Variants in TM9SF2 observed in about 807,000 individuals in gnomAD.
The protein encoded by TM9SF2 is transmembrane 9 superfamily member 2.
In TM9SF2, 13 loss-of-function variants were observed where a neutral mutation model predicts 84.9. The observed-to-expected ratio is 0.15, with a 90% confidence interval of 0.10 to 0.24. The LOEUF (loss-of-function observed/expected upper bound fraction) is 0.24. Among genes scored for constraint, TM9SF2 ranks in the 10% least tolerant of loss-of-function variants. The pLI is 1.00. For missense variants in TM9SF2, 562 were observed against 818.5 expected, an observed-to-expected ratio of 0.69 and a Z score of 3.82; for synonymous variants, 273 against 285.8, an observed-to-expected ratio of 0.96 and a Z score of 0.45.
intron 4 of TM9SF2, among the ~76,000 whole-genome samples, chr13:99,532,985 C>A (rs926412352): frequency 6.6e-6 from 1 of 152,116 alleles, no homozygotes; most frequent in African/African-American, 2.4e-5. Context: ...AATGTTGATT[C>A]ACATTGATGA....
Position 99,560,712 on chromosome 13 carries a change from C to T in TM9SF2, c.1924+1178C>T, listed in dbSNP as rs186806584. 1.8e-3 allele frequency among the ~76,000 whole-genome samples: 268 copies of T among 152,216 alleles called. 1 individual carries two copies. The highest frequency in any genetic ancestry group is 5.3e-3 in the African/African-American group (222 of 41,536). On this transcript the variant is annotated intron_variant, in intron 16 of 16. Transcript: ENST00000376387. ...TTTTTATTTTTTTGAGACGGAGTCT[C>T]ACTCTTTTGCCCAGGCTGGAGTGCA...
intron 9 of TM9SF2, 78 bp downstream of exon 9, chr13:99,541,745 T>C: frequency 1.1e-6 from 1 of 888,122 alleles, no homozygotes; most frequent in East Asian, 2.9e-5. Flanking sequence ...AAATAATAGC[T>C]TTAGAATCTG....
intron 3 of TM9SF2, among the ~76,000 whole-genome samples, chr13:99,527,082 T>C (rs2139085683): frequency 6.6e-6 from 1 of 152,192 alleles, no homozygotes; most frequent in Admixed American, 6.5e-5. Flanking sequence ...TGGTGACACA[T>C]GAGTTTCAGG....
intron 6 of TM9SF2, among the ~76,000 whole-genome samples, chr13:99,538,994 A>T (rs1299047860): frequency 1.3e-5 from 2 of 152,062 alleles, no homozygotes; most frequent in Non-Finnish European, 2.9e-5. Flanking sequence ...GCTTGAGCCC[A>T]GGAGTTCAAG....
intron 10 of TM9SF2, among the ~76,000 whole-genome samples, chr13:99,544,774 G>T (rs906082275): frequency 6.6e-6 from 1 of 152,194 alleles, no homozygotes; most frequent in African/African-American, 2.4e-5. Flanking sequence ...GGGAAAGCGA[G>T]TGTGTAGGAA....
intron 4 of TM9SF2, among the ~76,000 whole-genome samples, 185 bp from the exon 5 acceptor site, chr13:99,536,423 A>G (rs1185108063): frequency 1.3e-5 from 2 of 151,828 alleles, no homozygotes; most frequent in Admixed American, 6.6e-5. Flanking sequence ...ACTGCAGTGT[A>G]TCAGATACTG....
intron 10 of TM9SF2, among the ~76,000 whole-genome samples, chr13:99,544,669 GGGA>G (rs1164705990): frequency 6.6e-6 from 1 of 152,180 alleles, no homozygotes; most frequent in Non-Finnish European, 1.5e-5. Context: ...CTTCCACGGA[GGGA>G]GGAGGGTGGG....
At chr13:99,526,098 C>T (rs972693781) in intron 3 of TM9SF2, among the ~76,000 whole-genome samples, 3 of 152,116 alleles carry the variant, frequency 2.0e-5, no homozygotes, top group Admixed American at 6.5e-5. Context: ...GGCAATTGCT[C>T]CTGATTCCTC....
rs572456023 is a variant in TM9SF2, at chr13:99,538,157, A to G, written c.716+294A>G. Among the ~76,000 whole-genome samples, 7 of 152,274 alleles carry G rather than the reference A, an allele frequency of 4.6e-5. No homozygotes were observed. The East Asian group carries it at 1.4e-3, about 29-fold the overall frequency. Reference sequence around the variant, plus strand: ...GGGAGGGAGAAGTTGAGTGGTTGGGACAGTGGTCCCCTTCGTGGTGGAAAG... The same window carrying G: ...GGGAGGGAGAAGTTGAGTGGTTGGGGCAGTGGTCCCCTTCGTGGTGGAAAG... On this transcript the variant is annotated intron_variant, in intron 6 of 16. Coordinates refer to ENST00000376387, the MANE Select transcript of TM9SF2 (RefSeq NM_004800.3).
chr13:99,551,985 C>A (rs555562521), intron 12 of TM9SF2, among the ~76,000 whole-genome samples, 182 bp from the exon 13 acceptor site: 13 of 152,340 alleles, frequency 8.5e-5, no homozygotes, highest in African/African-American at 3.1e-4. Context: ...CTCAGGCAAA[C>A]CCAATCTGAA....
chr13:99,551,710 G>T (rs2046306106), intron 12 of TM9SF2, among the ~76,000 whole-genome samples: 1 of 152,166 alleles, frequency 6.6e-6, no homozygotes, highest in African/African-American at 2.4e-5. Context: ...CACAGACTGT[G>T]ACAAGATATT....
chr13:99,541,908 GGGA>G (rs1366023592), intron 9 of TM9SF2, among the ~76,000 whole-genome samples: 72 of 152,156 alleles, frequency 4.7e-4, no homozygotes, highest in Non-Finnish European at 4.4e-5. Context: ...CCAGCACTTT[GGGA>G]GGCCGGGGTG....
At chr13:99,552,967 A>G (rs2046312055) in intron 13 of TM9SF2, among the ~76,000 whole-genome samples, 1 of 152,178 alleles carries the variant, frequency 6.6e-6, no homozygotes, top group Non-Finnish European at 1.5e-5. Context: ...GTAGCTTTGA[A>G]ATAAATTGTA....
intron 10 of TM9SF2, among the ~76,000 whole-genome samples, chr13:99,544,296 T>C (rs1469182395): frequency 2.6e-5 from 4 of 151,484 alleles, no homozygotes; most frequent in African/African-American, 4.9e-5. Flanking sequence ...TGAACTGAGA[T>C]TGCGCCACTG....
intron 5 of TM9SF2, 137 bp from the exon 6 acceptor site, chr13:99,537,602 A>G (rs2046240084): frequency 1.5e-6 from 1 of 666,818 alleles, no homozygotes; most frequent in Non-Finnish European, 2.3e-6. Context: ...TATAAAATTG[A>G]AACATGTTAA....
chr13:99,518,744 G>A (rs2046145739), intron 2 of TM9SF2, among the ~76,000 whole-genome samples: 1 of 150,088 alleles, frequency 6.7e-6, no homozygotes, highest in Non-Finnish European at 1.5e-5. Flanking sequence ...CTACAGGCGT[G>A]TGCAACCATG....
rs935539539 is a variant in TM9SF2, at chr13:99,562,990, A to G, written c.*232A>G. ...TTAAGTATATATTTGGTTGTTCTCA[A>G]TGAAGAGCAAATTTAAATATTATGT... On this transcript the variant is annotated 3_prime_UTR_variant, in exon 17 of 17. Transcript: ENST00000376387. The G allele has an allele frequency of 1.0e-5, 4 of 388,526 alleles. No homozygotes were observed. The highest frequency in any genetic ancestry group is 1.8e-5 in the Non-Finnish European group (4 of 217,944). 24.1% of individuals were successfully genotyped at this position (388,526 alleles called of 1,614,324 possible). A position where few individuals can be genotyped will look rare whatever the true frequency, so the allele number is the denominator to read the frequency against.
chr13:99,559,668 G>T, intron 16 of TM9SF2, 134 bp downstream of exon 16: 2 of 814,304 alleles, frequency 2.5e-6, no homozygotes, highest in Non-Finnish European at 3.7e-6. Context: ...AGCACAACTA[G>T]GCATAGTTGG....
At chr13:99,512,258 G>T (rs2046116575) in intron 1 of TM9SF2, among the ~76,000 whole-genome samples, 2 of 152,162 alleles carry the variant, frequency 1.3e-5, no homozygotes, top group African/African-American at 4.8e-5. Flanking sequence ...GCCAATTATG[G>T]ACCAGCTTCT....
Sources: allele counts gnomAD v4.1 joint callset (sites outside exome capture counted in the v4.1 genomes callset), GRCh38; gene constraint gnomAD v4.1.1; transcripts MANE v1.5; gene names NCBI Gene and HGNC (gene_info 2026-07-23, HGNC 2026-07-21).